The following STK3 variants were observed in gnomAD, a reference collection of about 807,000 sequenced individuals.
STK3 encodes the protein serine/threonine-protein kinase 3.
STK3 carries 41 observed loss-of-function variants against 58.0 expected under a neutral mutation model. That is an observed-to-expected ratio of 0.71 (90% CI 0.55 to 0.92). The LOEUF is 0.92. Among genes scored for constraint, STK3 ranks in the 40% least tolerant of loss-of-function variants. The pLI, the probability that STK3 is intolerant of heterozygous loss-of-function variation, is 0.00. For synonymous variants in STK3, 170 were observed against 191.0 expected (o/e 0.89, Z 0.91); for missense variants, 479 against 602.7 (o/e 0.79, Z 2.15).
chr8:98,684,999 T>G (rs921823516), intron 6 of STK3, among the ~76,000 whole-genome samples: 2 of 152,130 alleles, frequency 1.3e-5, no homozygotes, highest in African/African-American at 4.8e-5. Flanking sequence ...ATGTGCATAA[T>G]GGATCACACT....
In STK3 at chr8:98,597,815, C is replaced by A. The variant is rs1017041927; in HGVS notation, c.685-1646G>T. On this transcript the variant is annotated intron_variant, in intron 6 of 10. Coordinates refer to ENST00000419617, the MANE Select transcript of STK3 (RefSeq NM_006281.4). ...TCAGACCCCCAGAGCTCACAGTCAA[C>A]TTGTGCAGAAAAAAAAAAAAACACA... 26 of 983,230 alleles carry A rather than the reference C, an allele frequency of 2.6e-5. No homozygotes were observed. In the African/African-American group the frequency reaches 4.6e-4, roughly 17 times the overall value. The allele number at this position is 983,230 out of a possible 1,614,324, so 60.9% of individuals were successfully genotyped here.
intron 3 of STK3, among the ~76,000 whole-genome samples, chr8:98,867,774 T>C (rs758109074): frequency 3.3e-5 from 5 of 152,192 alleles, no homozygotes; most frequent in Non-Finnish European, 5.9e-5. Flanking sequence ...ATGGAGATAA[T>C]AACAGTACAT....
chr8:98,428,912 C>T lies in STK3; in HGVS notation n.483+5215G>A, dbSNP rs759771726. 6.2e-7 allele frequency: 1 copy of T among 1,614,200 alleles called. No individual in the cohort carries two copies. Among genetic ancestry groups the T allele is most frequent in the South Asian group, 1.1e-5 (1 of 91,080 alleles). ...TCCGCATCTTAAAGCTGGCCAGGCA[C>T]TCCACTGGCCTCCGCTCCCTGGGGG... On this transcript the variant is annotated intron_variant and non_coding_transcript_variant, in intron 3 of 3. Transcript: ENST00000517832. The surrounding 1 kb of genome is among the most constrained non-coding windows in gnomAD (Gnocchi z 6.7).
intron 3 of STK3, among the ~76,000 whole-genome samples, chr8:98,414,270 AT>A (rs1818090054): frequency 6.6e-6 from 1 of 152,208 alleles, no homozygotes; most frequent in African/African-American, 2.4e-5. Flanking sequence ...TCTCAAAAAA[AT>A]AATAATAAAA....
chr8:98,781,444 G>A (rs956230968), intron 1 of STK3, among the ~76,000 whole-genome samples: 11 of 151,390 alleles, frequency 7.3e-5, no homozygotes, highest in African/African-American at 1.9e-4. Flanking sequence ...TTCTTAAGGC[G>A]AAAAAAAATG....
chr8:98,619,098 T>A (rs1314989265), intron 6 of STK3, among the ~76,000 whole-genome samples: 1 of 150,704 alleles, frequency 6.6e-6, no homozygotes, highest in African/African-American at 2.5e-5. Context: ...AACAGCATGG[T>A]ACTGGTACCA....
chr8:98,745,388 C>A (rs1829573841), intron 4 of STK3, among the ~76,000 whole-genome samples: 1 of 152,086 alleles, frequency 6.6e-6, no homozygotes, highest in East Asian at 1.9e-4. Flanking sequence ...CAGAACAGAA[C>A]TGCTAATAAC....
At chr8:98,435,238 C>T (rs1818445005) in intron 2 of STK3, among the ~76,000 whole-genome samples, 1 of 152,176 alleles carries the variant, frequency 6.6e-6, no homozygotes, top group South Asian at 2.1e-4. Context: ...TGCTGGGAGT[C>T]AGGGCTGGCC....
chr8:98,824,957 A>G (rs988139944), intron 1 of STK3, among the ~76,000 whole-genome samples: 3 of 152,242 alleles, frequency 2.0e-5, no homozygotes, highest in African/African-American at 7.2e-5. Flanking sequence ...ATCATTGCAA[A>G]TATTAGCTCA....
intron 9 of STK3, among the ~76,000 whole-genome samples, chr8:98,542,689 T>C (rs548175484): frequency 4.6e-5 from 7 of 152,288 alleles, no homozygotes; most frequent in Admixed American, 1.3e-4. Flanking sequence ...TCTTATCAAG[T>C]TGTTGGAAGG....
chr8:98,587,799 A>G (rs1814796667), intron 7 of STK3, among the ~76,000 whole-genome samples: 1 of 152,100 alleles, frequency 6.6e-6, no homozygotes, highest in African/African-American at 2.4e-5. Flanking sequence ...GGGTGCATAT[A>G]TATTTAGTAT....
At chr8:98,496,210 C>T (rs955325120) in intron 10 of STK3, among the ~76,000 whole-genome samples, 1 of 152,064 alleles carries the variant, frequency 6.6e-6, no homozygotes, top group African/African-American at 2.4e-5. Context: ...TATTAAAATA[C>T]AATGTTGTAA....
At chr8:98,746,676 T>A (rs11780500) in intron 4 of STK3, among the ~76,000 whole-genome samples, 1 of 152,038 alleles carries the variant, frequency 6.6e-6, no homozygotes, top group East Asian at 1.9e-4. Context: ...GATTTCTGGA[T>A]AATATCTTTA....
At chr8:98,671,981 G>T (rs1042192924) in intron 6 of STK3, among the ~76,000 whole-genome samples, 1 of 152,108 alleles carries the variant, frequency 6.6e-6, no homozygotes, top group African/African-American at 2.4e-5. Flanking sequence ...TCTCTCTCCT[G>T]CCACCCTGTG....
At chr8:98,625,666 TA>T in intron 6 of STK3, among the ~76,000 whole-genome samples, 1 of 152,226 alleles carries the variant, frequency 6.6e-6, no homozygotes, top group Non-Finnish European at 1.5e-5. Context: ...GTGTTTGGCT[TA>T]AAAATTGAAA....
chr8:98,857,649 G>T (rs1415329945), intron 3 of STK3, among the ~76,000 whole-genome samples: 1 of 152,096 alleles, frequency 6.6e-6, no homozygotes. Context: ...CTTAAAAAAG[G>T]AATAATGCAT....
intron 10 of STK3, among the ~76,000 whole-genome samples, chr8:98,466,198 A>C (rs1162123013): frequency 1.3e-5 from 2 of 152,246 alleles, no homozygotes; most frequent in East Asian, 1.9e-4. Flanking sequence ...AATTTAAGAA[A>C]AACATTATAT....
intron 2 of STK3, chr8:98,379,101 G>A (rs1257079615): frequency 6.6e-6 from 1 of 152,142 alleles, no homozygotes; most frequent in Non-Finnish European, 1.5e-5. Context: ...AGCTCAGATG[G>A]GGGTTAGGGG....
intron 6 of STK3, chr8:98,597,652 T>C (rs1815944990): frequency 1.0e-6 from 1 of 985,264 alleles, no homozygotes; most frequent in Non-Finnish European, 1.2e-6. Context: ...ATTAGACTAA[T>C]TTAAACTAGG....
Sources: allele counts gnomAD v4.1 joint callset (sites outside exome capture counted in the v4.1 genomes callset), GRCh38; gene constraint gnomAD v4.1.1; non-coding constraint Gnocchi (gnomAD v3.1); transcripts MANE v1.5; gene names NCBI Gene and HGNC (gene_info 2026-07-23, HGNC 2026-07-21).